Variants in GALNT2 observed in about 807,000 individuals in gnomAD.
The protein encoded by GALNT2 is UDP-GalNAc:polypeptide N-acetylgalactosaminyltransferase 2.
GALNT2 carries 31 observed loss-of-function variants against 81.4 expected under a neutral mutation model. That is an observed-to-expected ratio of 0.38 (90% CI 0.29 to 0.51). GALNT2 has a LOEUF of 0.51. GALNT2 is among the 20% of genes least tolerant of loss of function. The pLI, the probability that GALNT2 is intolerant of heterozygous loss-of-function variation, is 0.87. For synonymous variants in GALNT2, 303 were observed against 287.4 expected (o/e 1.05, Z -0.55); for missense variants, 629 against 765.7 (o/e 0.82, Z 2.11).
intron 1 of GALNT2, among the ~76,000 whole-genome samples, chr1:230,143,792 C>A (rs1051404262): frequency 6.6e-6 from 1 of 152,228 alleles, no homozygotes; most frequent in African/African-American, 2.4e-5. Flanking sequence ...ACCAGATGCC[C>A]CCAGCTGTGA....
At position 230,280,101 on chromosome 1, in the gene GALNT2, G is replaced by A. The variant is rs1363074221; in HGVS notation, c.*643G>A. 2 of 430,100 alleles carry A rather than the reference G, an allele frequency of 4.7e-6. No homozygotes were observed. The highest frequency in any genetic ancestry group is 9.4e-6 in the Non-Finnish European group (2 of 211,852). 26.6% of individuals were successfully genotyped at this position (430,100 alleles called of 1,614,324 possible). ...AAGAATGTACGGTCAGTTCCCTATGGTTTCTGTAGATCATCGTCATCTTGT... is the reference window on the plus strand; with the variant it reads ...AAGAATGTACGGTCAGTTCCCTATGATTTCTGTAGATCATCGTCATCTTGT... On this transcript the variant is annotated 3_prime_UTR_variant, in exon 16 of 16. Transcript: ENST00000366672.
At chr1:230,253,858 T>C (rs183509583) in intron 10 of GALNT2, among the ~76,000 whole-genome samples, 11 of 152,336 alleles carry the variant, frequency 7.2e-5, no homozygotes, top group Admixed American at 6.5e-4. Context: ...TCCTCCGTTA[T>C]ACTTTTTACT....
chr1:230,261,683 C>T (rs555342847), intron 11 of GALNT2, among the ~76,000 whole-genome samples: 133 of 152,346 alleles, frequency 8.7e-4, no homozygotes, highest in Middle Eastern at 3.4e-3. Context: ...TCATGGTTCT[C>T]TCTATGAGAT....
intron 1 of GALNT2, among the ~76,000 whole-genome samples, chr1:230,097,541 C>T (rs1660288150): frequency 6.6e-6 from 1 of 152,204 alleles, no homozygotes; most frequent in Admixed American, 6.5e-5. Context: ...ATAATGTCCT[C>T]AAGATTCATC....
At chr1:230,182,053 C>G (rs1450010176) in intron 2 of GALNT2, among the ~76,000 whole-genome samples, 1 of 152,140 alleles carries the variant, frequency 6.6e-6, no homozygotes, top group African/African-American at 2.4e-5. Context: ...CCGTATTGTC[C>G]TTTTCATATC....
intron 1 of GALNT2, among the ~76,000 whole-genome samples, chr1:230,172,337 T>C (rs1358693620): frequency 6.6e-6 from 1 of 152,152 alleles, no homozygotes; most frequent in African/African-American, 2.4e-5. Flanking sequence ...GTTACCCATC[T>C]TGGAAGCAGA....
intron 2 of GALNT2, among the ~76,000 whole-genome samples, chr1:230,202,495 A>G (rs1208379156): frequency 6.6e-6 from 1 of 152,200 alleles, no homozygotes; most frequent in Non-Finnish European, 1.5e-5. Flanking sequence ...CCTTTCTTCC[A>G]GGAAGAGAAC....
intron 1 of GALNT2, among the ~76,000 whole-genome samples, chr1:230,133,611 G>A (rs922437517): frequency 6.6e-6 from 1 of 151,978 alleles, no homozygotes; most frequent in African/African-American, 2.4e-5. Context: ...CCGCCACCGC[G>A]CCCAGCTAAT....
At chr1:230,178,852 G>A (rs1279347346) in intron 2 of GALNT2, among the ~76,000 whole-genome samples, 1 of 152,064 alleles carries the variant, frequency 6.6e-6, no homozygotes, top group African/African-American at 2.4e-5. Flanking sequence ...ATGCATAATG[G>A]CGTTTAGCCG....
chr1:230,078,046 G>T lies in GALNT2; in HGVS notation c.126+10640G>T, dbSNP rs7534687. On this transcript the variant is annotated intron_variant, in intron 1 of 15. Transcript: ENST00000366672. ...GCCTTGCCCAGCCCATAGCATTGCC[G>T]ACGTCATTGATTGTGAGCTGCATTC... is the stretch of plus-strand genomic sequence containing the variant. 4.6e-5 allele frequency among the ~76,000 whole-genome samples: 7 copies of T among 152,344 alleles called. No individual in the cohort carries two copies. The East Asian group carries it at 1.3e-3, about 29-fold the overall frequency.
In GALNT2 at chr1:230,242,158, C is replaced by T. The variant is rs1029550917; in HGVS notation, c.608-1148C>T. Among the ~76,000 whole-genome samples the T allele has an allele frequency of 2.4e-4, 36 of 152,122 alleles. 1 individual carries two copies. The highest frequency in any genetic ancestry group is 1.9e-4 in the East Asian group (1 of 5,194). The stretch of plus-strand genomic sequence containing the variant: ...CCTCGTGGAAAACGCCGTATAAACA[C>T]GGAGCTTACTCAGTGTTATTTTCTT... On this transcript the variant is annotated intron_variant, in intron 6 of 15. Transcript: ENST00000366672.
At chr1:230,252,249 T>C (rs1056691736) in intron 10 of GALNT2, among the ~76,000 whole-genome samples, 7 of 152,128 alleles carry the variant, frequency 4.6e-5, no homozygotes, top group African/African-American at 1.4e-4. Context: ...TGGGTGTGCA[T>C]TGGGAGAGGT....
rs755670523 is a variant in GALNT2, at chr1:230,279,412, C to T, written c.1670C>T (p.Pro557Leu). The part of the protein sequence containing the change: ...SGGLSVEVCG[P>L]ALSQQWKFTL... ...GGCCTAAGCGTGGAGGTGTGTGGCC[C>T]GGCCCTTTCGCAGCAGTGGAAGTTC... The change falls in exon 16 of 16, where the codon CCG (proline) becomes CTG (leucine). Residue 557 changes from proline to leucine, a missense_variant. Pro to Leu is a moderately conservative substitution (Grantham distance 98). This residue lies in a region of GALNT2 where 207 missense variants were observed against 225.5 expected (regional missense o/e 0.92). Coordinates refer to ENST00000366672, the MANE Select transcript of GALNT2 (RefSeq NM_004481.5). This position sits in a 1 kb window ranked among gnomAD's most constrained non-coding sequence, Gnocchi z 4.6. 1.9e-5 allele frequency: 30 copies of T among 1,613,976 alleles called. No individual in the cohort carries two copies. Among genetic ancestry groups the T allele is most frequent in the East Asian group, 1.1e-4 (5 of 44,890 alleles).
intron 1 of GALNT2, among the ~76,000 whole-genome samples, chr1:230,072,423 C>T (rs528726689): frequency 2.6e-5 from 4 of 152,110 alleles, no homozygotes; most frequent in South Asian, 2.1e-4. Flanking sequence ...AAGCAGGAGT[C>T]GACTGTGAGG....
At chr1:230,057,926 G>T (rs1364629230), upstream of GALNT2, 1 of 422,866 alleles carries the variant, frequency 2.4e-6, no homozygotes, top group African/African-American at 2.0e-5. Context: ...AGTGTCGTCC[G>T]GGGCTAGGAG....
intron 1 of GALNT2, among the ~76,000 whole-genome samples, chr1:230,133,603 G>A (rs578073076): frequency 5.9e-5 from 9 of 152,118 alleles, no homozygotes; most frequent in South Asian, 4.2e-4. Context: ...ATAGGCGCCC[G>A]CCACCGCGCC....
chr1:230,201,888 C>T (rs116559138), intron 2 of GALNT2, among the ~76,000 whole-genome samples: 6,719 of 152,260 alleles, frequency 0.044, 196 homozygotes, highest in Non-Finnish European at 0.064. Flanking sequence ...TACCAGACCA[C>T]CCCATAAAGA....
chr1:230,099,097 G>A (rs963690787), intron 1 of GALNT2, among the ~76,000 whole-genome samples: 6 of 152,174 alleles, frequency 3.9e-5, no homozygotes, highest in Non-Finnish European at 7.3e-5. Context: ...TGAGGAGTTG[G>A]CCCTCCCTAG....
intron 3 of GALNT2, among the ~76,000 whole-genome samples, chr1:230,233,073 G>A (rs902538997): frequency 6.6e-6 from 1 of 152,300 alleles, no homozygotes; most frequent in African/African-American, 2.4e-5. Context: ...GAGGGAAAAC[G>A]AGTGTCTGTT....
Sources: gnomAD v4.1 joint callset for allele counts (sites outside exome capture counted in the v4.1 genomes callset) on GRCh38, gnomAD v4.1.1 for gene constraint, gnomAD v4.1.1 regional missense constraint, Gnocchi (gnomAD v3.1) non-coding constraint, MANE v1.5 for transcripts, NCBI Gene and HGNC (gene_info 2026-07-23, HGNC 2026-07-21) for gene names.